Variants in SH3RF3 observed in about 807,000 individuals in gnomAD.
SH3RF3 encodes the protein SH3 domain containing ring finger 3, also known as E3 ubiquitin-protein ligase SH3RF3.
In SH3RF3, 29 loss-of-function variants were observed where a neutral mutation model predicts 66.3. The ratio of observed to expected loss-of-function variants is 0.44; its 90% CI spans 0.33 to 0.60. SH3RF3 has a LOEUF of 0.60. Ranked by LOEUF, SH3RF3 falls within the 20% of genes least tolerant of loss-of-function variation. The pLI, the probability that SH3RF3 is intolerant of heterozygous loss-of-function variation, is 0.04. For synonymous variants in SH3RF3, 583 were observed against 532.0 expected (o/e 1.10, Z -1.32); for missense variants, 1,194 against 1,190.9 (o/e 1.00, Z -0.04).
intron 1 of SH3RF3, among the ~76,000 whole-genome samples, chr2:109,277,492 C>G (rs1468254510): frequency 1.3e-5 from 2 of 152,232 alleles, no homozygotes; most frequent in Non-Finnish European, 2.9e-5. Flanking sequence ...CATTGGGCAG[C>G]TGCTGCATCT....
intron 1 of SH3RF3, among the ~76,000 whole-genome samples, chr2:109,182,231 G>A (rs1370948933): frequency 2.0e-5 from 3 of 152,192 alleles, no homozygotes; most frequent in East Asian, 3.8e-4. Flanking sequence ...AGAGCATGGC[G>A]CTGGCATTTG....
intron 1 of SH3RF3, among the ~76,000 whole-genome samples, chr2:109,167,070 G>C (rs867411623): frequency 6.6e-6 from 1 of 152,248 alleles, no homozygotes; most frequent in African/African-American, 2.4e-5. Flanking sequence ...GGTCAGGCCA[G>C]TGGGAACCCA....
chr2:109,399,806 G>A (rs1676255018), intron 4 of SH3RF3, among the ~76,000 whole-genome samples: 1 of 152,186 alleles, frequency 6.6e-6, no homozygotes, highest in Non-Finnish European at 1.5e-5. Context: ...CCAGTGCCCG[G>A]CAGGGTGACC....
chr2:109,459,697 G>C (rs1678162494), intron 8 of SH3RF3, among the ~76,000 whole-genome samples: 1 of 152,152 alleles, frequency 6.6e-6, no homozygotes, highest in Admixed American at 6.5e-5. Context: ...CAAAGCGGCT[G>C]AGTGGCAGTC....
Position 109,129,553 on chromosome 2 carries a change from G to A in SH3RF3, c.13G>A (p.Ala5Thr), listed in dbSNP as rs1287211632. 16 of 1,494,562 alleles carry A rather than the reference G, an allele frequency of 1.1e-5. No individual in the cohort carries two copies. The highest frequency in any genetic ancestry group is 1.4e-5 in the Non-Finnish European group (16 of 1,129,534). 92.6% of individuals were successfully genotyped at this position (1,494,562 alleles called of 1,614,324 possible). Residue 5 changes from alanine (A) to threonine (T), a missense_variant, in exon 1 of 10, where the codon GCG becomes ACG. Transcript: ENST00000309415. The stretch of plus-strand genomic sequence containing the variant: ...GGGCGCCTCCCCCATGCTGCTCGGA[G>A]CGTCCTGGCTGTGCGCATCCAAGGC... MLLG[A>T]SWLCASKAAA...
chr2:109,368,417 G>A (rs2105664983), intron 2 of SH3RF3, among the ~76,000 whole-genome samples: 1 of 152,252 alleles, frequency 6.6e-6, no homozygotes. Context: ...GGCATATACA[G>A]TGGATTAGAG....
chr2:109,403,398 A>G (rs966124959), intron 4 of SH3RF3, among the ~76,000 whole-genome samples: 2 of 152,132 alleles, frequency 1.3e-5, no homozygotes, highest in African/African-American at 2.4e-5. Flanking sequence ...CCAATTGTTC[A>G]TTGTTTCCAC....
chr2:109,317,286 C>T (rs1047234946), intron 1 of SH3RF3, among the ~76,000 whole-genome samples: 7 of 152,146 alleles, frequency 4.6e-5, no homozygotes, highest in African/African-American at 1.7e-4. Flanking sequence ...AAGTCTTGCC[C>T]ATGGTGACAG....
At chr2:109,385,086 TC>T (rs1316376108) in intron 3 of SH3RF3, among the ~76,000 whole-genome samples, 1 of 152,210 alleles carries the variant, frequency 6.6e-6, no homozygotes, top group Non-Finnish European at 1.5e-5. Flanking sequence ...CCTTCATCTG[TC>T]CCTTCCTCTG....
chr2:109,461,138 C>T (rs1678199421), intron 8 of SH3RF3, among the ~76,000 whole-genome samples: 1 of 152,248 alleles, frequency 6.6e-6, no homozygotes, highest in Admixed American at 6.5e-5. Context: ...GGGACCTGCT[C>T]TAACCCGATC....
intron 1 of SH3RF3, among the ~76,000 whole-genome samples, chr2:109,272,182 C>G (rs1680642994): frequency 6.6e-6 from 1 of 152,210 alleles, no homozygotes; most frequent in African/African-American, 2.4e-5. Flanking sequence ...GGGTCAGAAC[C>G]CCCCACAGCC....
At chr2:109,238,449 TTGTGTGTGTGTGTGTGTGTG>T (rs56112018) in intron 1 of SH3RF3, among the ~76,000 whole-genome samples, 12,651 of 142,694 alleles carry the variant, frequency 0.089, 1,011 homozygotes, top group East Asian at 0.32. Context: ...TTATGTATAT[TTGTGTGTGTGTGTGTGTGTG>T]TGTGTGTGTG....
chr2:109,347,848 T>C lies in SH3RF3; in HGVS notation c.748T>C (p.Cys250Arg), dbSNP rs373217099. ...QGFLPASYIQ[C>R]IQPLPHAPPQ... ...CTTCCTCCCAGCCAGCTATATCCAG[T>C]GCATCCAGCCCTTGCCACACGCCCC... Residue 250 changes from cysteine to arginine, a missense_variant, in exon 2 of 10, where the codon TGC becomes CGC. Cys to Arg is a radical substitution (Grantham distance 180). Coordinates refer to ENST00000309415, the MANE Select transcript of SH3RF3 (RefSeq NM_001099289.3). The C allele has an allele frequency of 2.5e-6, 4 of 1,613,708 alleles. No individual in the cohort carries two copies. Among genetic ancestry groups the C allele is most frequent in the Non-Finnish European group, 3.4e-6 (4 of 1,179,832 alleles).
intron 8 of SH3RF3, 50 bp from the exon 9 acceptor site, chr2:109,490,555 G>A (rs1558643306): frequency 1.5e-6 from 2 of 1,342,950 alleles, no homozygotes; most frequent in Non-Finnish European, 1.9e-6. Flanking sequence ...GACAGCAAGG[G>A]CATTGGGAAG....
chr2:109,203,874 T>C (rs1193899968), intron 1 of SH3RF3, among the ~76,000 whole-genome samples: 3 of 152,006 alleles, frequency 2.0e-5, no homozygotes, highest in Admixed American at 2.0e-4. Flanking sequence ...GCCCTTCTTG[T>C]TCCCTGTGCG....
chr2:109,177,555 G>C (rs145656807), intron 1 of SH3RF3, among the ~76,000 whole-genome samples: 1 of 152,120 alleles, frequency 6.6e-6, no homozygotes, highest in Non-Finnish European at 1.5e-5. Flanking sequence ...GCTCTGGGGG[G>C]GGGCACCATT....
At chr2:109,270,610 G>T (rs959734581) in intron 1 of SH3RF3, among the ~76,000 whole-genome samples, 1 of 152,192 alleles carries the variant, frequency 6.6e-6, no homozygotes, top group Non-Finnish European at 1.5e-5. Flanking sequence ...GAGGCCACGG[G>T]TGCAGGGCAT....
chr2:109,209,759 T>G (rs2105101512), intron 1 of SH3RF3, among the ~76,000 whole-genome samples: 1 of 152,224 alleles, frequency 6.6e-6, no homozygotes, highest in Admixed American at 6.5e-5. Context: ...GAGTAAATGG[T>G]TTGTTCACCT....
At chr2:109,351,098 A>G (rs1042947561) in intron 2 of SH3RF3, among the ~76,000 whole-genome samples, 1 of 152,258 alleles carries the variant, frequency 6.6e-6, no homozygotes, top group African/African-American at 2.4e-5. Flanking sequence ...CAGCTTTAAA[A>G]AGTGATATTT....
Sources: gnomAD v4.1 joint callset for allele counts (sites outside exome capture counted in the v4.1 genomes callset) on GRCh38, gnomAD v4.1.1 for gene constraint, MANE v1.5 for transcripts, NCBI Gene and HGNC (gene_info 2026-07-23, HGNC 2026-07-21) for gene names.